Variants in WFDC13 observed in about 807,000 individuals in gnomAD.
WFDC13 encodes WAP four-disulfide core domain 13.
In WFDC13, 6 loss-of-function variants were observed where a neutral mutation model predicts 10.9. The observed-to-expected ratio is 0.55, with a 90% CI of 0.30 to 1.09. The LOEUF is 1.09. WFDC13 is among the 50% of genes least tolerant of loss of function. WFDC13 has a pLI of 0.06. For missense variants in WFDC13, 104 were observed against 109.6 expected, an observed-to-expected ratio of 0.95 and a Z score of 0.23; for synonymous variants, 38 against 39.5, an observed-to-expected ratio of 0.96 and a Z score of 0.14.
At chr20:45,704,695 T>C in intron 2 of WFDC13, 101 bp downstream of exon 2, 1 of 1,513,086 alleles carries the variant, frequency 6.6e-7, no homozygotes, top group South Asian at 1.3e-5. Context: ...TCCTTTTTTT[T>C]TTTTTTCCTT....
In WFDC13 at chr20:45,707,997, C is replaced by T. The variant is rs1317220905; in HGVS notation, c.*162C>T. On this transcript the variant is annotated 3_prime_UTR_variant, in exon 4 of 4. Transcript: ENST00000305479. ...TACCATAAAACTCTTGAAGCTTAAG[C>T]TTTAGGTCAACACTTGCAAGAGCCC... is the stretch of plus-strand genomic sequence containing the variant. 1 of 152,132 alleles carries T rather than the reference C, an allele frequency of 6.6e-6. No homozygotes were observed. The highest frequency in any genetic ancestry group is 1.5e-5 in the Non-Finnish European group (1 of 68,032). 9.4% of individuals were successfully genotyped at this position (152,132 alleles called of 1,614,324 possible).
At chr20:45,706,365 T>C (rs766964113) in intron 3 of WFDC13, among the ~76,000 whole-genome samples, 3 of 152,126 alleles carry the variant, frequency 2.0e-5, no homozygotes, top group Non-Finnish European at 4.4e-5. Flanking sequence ...CCTTGGGGTA[T>C]TGGGAGGACA....
chr20:45,705,458 T>C (rs2145646402), intron 2 of WFDC13, among the ~76,000 whole-genome samples: 1 of 152,348 alleles, frequency 6.6e-6, no homozygotes, highest in South Asian at 2.1e-4. Flanking sequence ...CTAAGTGACC[T>C]TAAGTGATCT....
Position 45,702,053 on chromosome 20 carries a change from C to T in WFDC13, c.-71C>T. ...CCACTTTGCCCTCTTTCCTTCTCTTCTCCTCACAGCAGTGCCTGGTCAAAC... is the reference window on the plus strand; with the variant it reads ...CCACTTTGCCCTCTTTCCTTCTCTTTTCCTCACAGCAGTGCCTGGTCAAAC... On this transcript the variant is annotated 5_prime_UTR_variant, in exon 1 of 4. Transcript: ENST00000305479. 6.9e-7 allele frequency: 1 copy of T among 1,447,742 alleles called. No individual in the cohort carries two copies. The highest frequency in any genetic ancestry group is 9.5e-7 in the Non-Finnish European group (1 of 1,051,444). 89.7% of individuals were successfully genotyped at this position (1,447,742 alleles called of 1,614,324 possible). A position where few individuals can be genotyped will look rare whatever the true frequency, so the allele number is the denominator to read the frequency against.
intron 3 of WFDC13, among the ~76,000 whole-genome samples, chr20:45,706,819 T>G (rs775566159): frequency 2.0e-5 from 3 of 152,000 alleles, no homozygotes; most frequent in Admixed American, 1.3e-4. Context: ...ATTTTACTGA[T>G]GCTTCAAGAA....
At chr20:45,705,170 T>G (rs1419715674) in intron 2 of WFDC13, 2 of 610,074 alleles carry the variant, frequency 3.3e-6, no homozygotes, top group Admixed American at 5.5e-5. Flanking sequence ...AACTATGTCT[T>G]TCTATGACCT....
chr20:45,706,509 C>T (rs1018987522), intron 3 of WFDC13, among the ~76,000 whole-genome samples: 1 of 150,924 alleles, frequency 6.6e-6, no homozygotes, highest in Non-Finnish European at 1.5e-5. Context: ...TATGGTGACT[C>T]ACACCTGTAA....
In WFDC13 at chr20:45,706,035, G is replaced by T. The variant is rs950742524; in HGVS notation, c.*22+108G>T. 1.3e-5 allele frequency: 12 copies of T among 938,552 alleles called. No homozygotes were observed. The African/African-American group carries it at 2.0e-4, about 15-fold the overall frequency. The allele number at this position is 938,552 out of a possible 1,614,324, so 58.1% of individuals were successfully genotyped here. A position where few individuals can be genotyped will look rare whatever the true frequency, so the allele number is the denominator to read the frequency against. On this transcript the variant is annotated intron_variant, in intron 3 of 3. Transcript: ENST00000305479. ...ACTACATTCCCACAAGCTCAGAATG[G>T]CCTCTCATTACCTGATTGCCTCCTC...
chr20:45,704,294 A>C (rs1330994727), intron 1 of WFDC13, 150 bp from the exon 2 acceptor site: 11 of 976,706 alleles, frequency 1.1e-5, no homozygotes, highest in Non-Finnish European at 1.6e-5. Context: ...GGAAGGCAGC[A>C]GCTGAGGACA....
At position 45,704,438 on chromosome 20, in the gene WFDC13, T is replaced by C; in HGVS notation, c.89-6T>C. ...AGGCCCTTCTCTTACTTGTTCTGTGTTCCAGAGTATATCTTGGAACCTCCA... is the reference window on the plus strand; with the variant it reads ...AGGCCCTTCTCTTACTTGTTCTGTGCTCCAGAGTATATCTTGGAACCTCCA... On this transcript the variant is annotated splice_polypyrimidine_tract_variant and splice_region_variant and intron_variant, in intron 1 of 3. Coordinates refer to ENST00000305479, the MANE Select transcript of WFDC13 (RefSeq NM_172005.2). 1 of 1,612,356 alleles carries C rather than the reference T, an allele frequency of 6.2e-7. No individual in the cohort carries two copies. Among genetic ancestry groups the C allele is most frequent in the African/African-American group, 1.3e-5 (1 of 74,974 alleles).
intron 3 of WFDC13, 75 bp downstream of exon 3, chr20:45,706,002 C>G: frequency 7.9e-7 from 1 of 1,270,800 alleles, no homozygotes; most frequent in Non-Finnish European, 1.1e-6. Context: ...TGTAGCCTCA[C>G]CAGGGGCACT....
chr20:45,704,686 CCTT>C lies in WFDC13; in HGVS notation c.239+93_239+95del. On this transcript the variant is annotated intron_variant, in intron 2 of 3. Transcript: ENST00000305479. ...TTACCAGCAACTGTGCTGGATCTCT[CCTT>C]TTTTTTTTTTTTCCTTGGTGGCCAT... 2.1e-6 allele frequency: 3 copies of C among 1,463,150 alleles called. No homozygotes were observed. The East Asian group carries it at 7.3e-5, about 36-fold the overall frequency. The allele number at this position is 1,463,150 out of a possible 1,614,324, so 90.6% of individuals were successfully genotyped here. A position where few individuals can be genotyped will look rare whatever the true frequency, so the allele number is the denominator to read the frequency against.
At chr20:45,705,992 T>C in intron 3 of WFDC13, 65 bp downstream of exon 3, 1 of 1,420,572 alleles carries the variant, frequency 7.0e-7, no homozygotes, top group South Asian at 1.2e-5. Context: ...ACTTTCTTCC[T>C]GTAGCCTCAC....
At chr20:45,702,946 T>C (rs139670172) in intron 1 of WFDC13, among the ~76,000 whole-genome samples, 2 of 152,308 alleles carry the variant, frequency 1.3e-5, no homozygotes, top group Non-Finnish European at 2.9e-5. Flanking sequence ...AGCTCATGTG[T>C]CTGGGGAGGC....
In WFDC13 at chr20:45,705,893, G is replaced by A; in HGVS notation, c.270G>A (p.Met90Ile). ...RIKHKGSEVIMPAN is the reference protein window; with the variant it reads ...RIKHKGSEVIIPAN The stretch of plus-strand genomic sequence containing the variant: ...AACACAAGGGCTCAGAAGTCATCAT[G>A]CCTGCCAACTGAGGCATATTTCCTA... Residue 90 changes from methionine to isoleucine, a missense_variant, in exon 3 of 4, where the codon ATG (methionine) becomes ATA (isoleucine). Coordinates refer to ENST00000305479, the MANE Select transcript of WFDC13 (RefSeq NM_172005.2). 1 of 1,613,980 alleles carries A rather than the reference G, an allele frequency of 6.2e-7. No individual in the cohort carries two copies. Among genetic ancestry groups the A allele is most frequent in the Non-Finnish European group, 8.5e-7 (1 of 1,179,972 alleles).
In WFDC13 at chr20:45,702,092, G is replaced by C. The variant is rs202149081; in HGVS notation, c.-32G>C. ...GCCTGGTCAAACCCAGCAACCCTTG[G>C]CCAGAACTTACTCACCCATCCCACT... On this transcript the variant is annotated 5_prime_UTR_variant, in exon 1 of 4. Coordinates refer to ENST00000305479, the MANE Select transcript of WFDC13 (RefSeq NM_172005.2). 6.2e-7 allele frequency: 1 copy of C among 1,602,288 alleles called. No homozygotes were observed. The highest frequency in any genetic ancestry group is 1.3e-5 in the African/African-American group (1 of 74,670).
rs1451394977 is a variant in WFDC13 at position 45,702,164 on chromosome 20, G to T, written c.41G>T (p.Cys14Phe). ...CCTCTCCAGTTCCTGGTGGTGTTCT[G>T]CCTAGCACTGCAGCTGGTGCCTGGG... ...VLPLQFLVVF[C>F]LALQLVPGSP... The change falls in exon 1 of 4, where the codon TGC (cysteine) becomes TTC (phenylalanine). Residue 14 changes from cysteine to phenylalanine, a missense_variant. By Grantham distance (205) the Cys-to-Phe change is radical. Coordinates refer to ENST00000305479, the MANE Select transcript of WFDC13 (RefSeq NM_172005.2). 1.2e-6 allele frequency: 2 copies of T among 1,613,442 alleles called. No individual in the cohort carries two copies. The highest frequency in any genetic ancestry group is 2.2e-5 in the South Asian group (2 of 90,794).
chr20:45,708,712 T>C lies in WFDC13; in HGVS notation c.*877T>C, dbSNP rs1307271875. On this transcript the variant is annotated 3_prime_UTR_variant, in exon 4 of 4. Coordinates refer to ENST00000305479, the MANE Select transcript of WFDC13 (RefSeq NM_172005.2). ...TTAAAATAATAATAATAAAGTGTTA[T>C]TTTCCTGGGATTCATGATATTTGAT... 6.6e-6 allele frequency: 1 copy of C among 152,226 alleles called. No homozygotes were observed. The highest frequency in any genetic ancestry group is 1.5e-5 in the Non-Finnish European group (1 of 68,036). The allele number at this position is 152,226 out of a possible 1,614,324, so 9.4% of individuals were successfully genotyped here.
intron 1 of WFDC13, among the ~76,000 whole-genome samples, chr20:45,702,706 CA>C (rs375390203): frequency 8.5e-5 from 13 of 152,316 alleles, no homozygotes; most frequent in African/African-American, 2.9e-4. Context: ...TCCACATTTT[CA>C]AACTCCAGAG....
Sources: gnomAD v4.1 joint callset for allele counts (sites outside exome capture counted in the v4.1 genomes callset) on GRCh38, gnomAD v4.1.1 for gene constraint, MANE v1.5 for transcripts, NCBI Gene and HGNC (gene_info 2026-07-23, HGNC 2026-07-21) for gene names.